Variants in NALF1 observed in about 807,000 individuals in gnomAD.
NALF1 encodes the protein family with sequence similarity 155 member A.
NALF1 carries 3 observed loss-of-function variants against 48.4 expected under a neutral mutation model. That is an observed-to-expected ratio of 0.06 (90% confidence interval 0.03 to 0.16). NALF1 has a LOEUF of 0.16. NALF1 is among the 10% of genes least tolerant of loss of function. The probability of loss-of-function intolerance (pLI) is 1.00; values close to 1 mark genes in which losing one functional copy is unlikely to be tolerated. For synonymous variants in NALF1, 262 were observed against 245.7 expected (o/e 1.07, Z -0.62); for missense variants, 526 against 571.5 (o/e 0.92, Z 0.81).
intron 2 of NALF1, among the ~76,000 whole-genome samples, chr13:107,184,227 C>T (rs1282857719): frequency 1.3e-5 from 2 of 151,452 alleles, no homozygotes; most frequent in Admixed American, 1.3e-4. Flanking sequence ...TCTTCTCAGA[C>T]AAATATATTT....
chr13:107,256,481 G>T (rs531718302), intron 1 of NALF1, among the ~76,000 whole-genome samples: 10 of 152,196 alleles, frequency 6.6e-5, no homozygotes, highest in African/African-American at 1.9e-4. Context: ...ATTAAAAAGT[G>T]CTTCATATAT....
Position 107,549,683 on chromosome 13 carries a change from C to T in NALF1, c.915+315999G>A, listed in dbSNP as rs551173617. Among the ~76,000 whole-genome samples the T allele has an allele frequency of 5.3e-5, 8 of 152,230 alleles. No individual in the cohort carries two copies. In the East Asian group the frequency reaches 1.5e-3, roughly 29 times the overall value. ...AAGTTCCAGATATAATGCCTGTTTA[C>T]CACTACATACTTAAATGTTTATTTA... On this transcript the variant is annotated intron_variant, in intron 1 of 2. Coordinates refer to ENST00000375915, the MANE Select transcript of NALF1 (RefSeq NM_001080396.3).
intron 1 of NALF1, among the ~76,000 whole-genome samples, chr13:107,517,710 T>C (rs546018552): frequency 5.3e-5 from 8 of 151,608 alleles, no homozygotes; most frequent in African/African-American, 1.9e-4. Flanking sequence ...ATCCCAGCAC[T>C]TTGGGAGTCT....
intron 1 of NALF1, among the ~76,000 whole-genome samples, chr13:107,854,453 C>T (rs1178483874): frequency 6.6e-6 from 1 of 152,216 alleles, no homozygotes; most frequent in Non-Finnish European, 1.5e-5. Context: ...CCGGAGATAC[C>T]CGATTTTAAA....
rs61429641 is a variant in NALF1 at position 107,586,635 on chromosome 13, A to ATTTTTTTTTT, written c.915+279037_915+279046dup. Among the ~76,000 whole-genome samples the ATTTTTTTTTT allele has an allele frequency of 2.6e-4, 24 of 93,108 alleles. 8 individuals carry two copies. The highest frequency in any genetic ancestry group is 2.8e-4 in the Non-Finnish European group (14 of 50,552). The allele number at this position is 93,108 out of a possible 152,430, so 61.1% of individuals were successfully genotyped here. A position where few individuals can be genotyped will look rare whatever the true frequency, so the allele number is the denominator to read the frequency against. On this transcript the variant is annotated intron_variant, in intron 1 of 2. Transcript: ENST00000375915. Reference sequence around the variant, plus strand: ...CTACATTTAAAGCTCCCCTATGGAGATTTTTTTTTTTTTTGCTAGGAATGA... The same window carrying ATTTTTTTTTT: ...CTACATTTAAAGCTCCCCTATGGAGATTTTTTTTTTTTTTTTTTTTTTTTGCTAGGAATGA...
intron 1 of NALF1, among the ~76,000 whole-genome samples, chr13:107,841,050 C>T (rs571337647): frequency 6.6e-6 from 1 of 152,042 alleles, no homozygotes; most frequent in Non-Finnish European, 1.5e-5. Context: ...TCTTGAGGGG[C>T]AGGGGTCATC....
At chr13:107,255,694 G>T (rs999627333) in intron 1 of NALF1, among the ~76,000 whole-genome samples, 1 of 152,098 alleles carries the variant, frequency 6.6e-6, no homozygotes, top group Non-Finnish European at 1.5e-5. Context: ...GCTCACAAAT[G>T]CTCATAACAG....
At chr13:107,229,164 A>G (rs1269041201) in intron 1 of NALF1, among the ~76,000 whole-genome samples, 2 of 152,140 alleles carry the variant, frequency 1.3e-5, no homozygotes, top group African/African-American at 4.8e-5. Context: ...CATTTTAGAC[A>G]CACACACTCA....
At chr13:107,598,817 C>T (rs2138422946) in intron 1 of NALF1, among the ~76,000 whole-genome samples, 1 of 152,162 alleles carries the variant, frequency 6.6e-6, no homozygotes, top group African/African-American at 2.4e-5. Flanking sequence ...TGGCCTTCTC[C>T]CTCCATTATC....
At chr13:107,549,533 T>C (rs892604244) in intron 1 of NALF1, among the ~76,000 whole-genome samples, 1 of 152,146 alleles carries the variant, frequency 6.6e-6, no homozygotes, top group African/African-American at 2.4e-5. Context: ...GCAGAAATAG[T>C]ACAAAGAAAT....
At chr13:107,190,467 C>T (rs781357970) in intron 2 of NALF1, among the ~76,000 whole-genome samples, 7 of 152,128 alleles carry the variant, frequency 4.6e-5, no homozygotes, top group Admixed American at 6.5e-5. Context: ...ATTTTCAATA[C>T]TTAGGGGAAA....
chr13:107,371,724 C>T (rs1883251726), intron 1 of NALF1, among the ~76,000 whole-genome samples: 1 of 151,970 alleles, frequency 6.6e-6, no homozygotes, highest in East Asian at 1.9e-4. Flanking sequence ...TTGTACAGAC[C>T]TTGAGAAGTC....
intron 1 of NALF1, among the ~76,000 whole-genome samples, chr13:107,551,433 T>G (rs1877290272): frequency 6.6e-6 from 1 of 152,130 alleles, no homozygotes; most frequent in African/African-American, 2.4e-5. Flanking sequence ...TCTTCACTGC[T>G]CCTTAATTTT....
intron 1 of NALF1, among the ~76,000 whole-genome samples, chr13:107,854,211 A>G (rs973276271): frequency 2.5e-4 from 38 of 152,218 alleles, no homozygotes; most frequent in Non-Finnish European, 8.8e-5. Flanking sequence ...AATATTCAAT[A>G]TATATATTTA....
chr13:107,437,232 C>T (rs1427659410), intron 1 of NALF1, among the ~76,000 whole-genome samples: 2 of 152,064 alleles, frequency 1.3e-5, no homozygotes, highest in African/African-American at 2.4e-5. Flanking sequence ...AAAACAAAAA[C>T]GAATACCACC....
Position 107,359,062 on chromosome 13 carries a change from T to C in NALF1, c.916-148307A>G, listed in dbSNP as rs1362800892. ...AGGGAAGCTTTCATTCCAGGCCAGCTGGTCCAGAAACTCCTCAAAACATGC... is the reference window on the plus strand; with the variant it reads ...AGGGAAGCTTTCATTCCAGGCCAGCCGGTCCAGAAACTCCTCAAAACATGC... On this transcript the variant is annotated intron_variant, in intron 1 of 2. Coordinates refer to ENST00000375915, the MANE Select transcript of NALF1 (RefSeq NM_001080396.3). Among the ~76,000 whole-genome samples, 3 of 152,280 alleles carry C rather than the reference T, an allele frequency of 2.0e-5. No individual in the cohort carries two copies. The East Asian group carries it at 5.8e-4, about 29-fold the overall frequency.
At chr13:107,249,721 C>T (rs1223233892) in intron 1 of NALF1, among the ~76,000 whole-genome samples, 4 of 152,132 alleles carry the variant, frequency 2.6e-5, no homozygotes, top group African/African-American at 9.7e-5. Flanking sequence ...ATCTCTCTTT[C>T]ATAAAACACA....
intron 1 of NALF1, among the ~76,000 whole-genome samples, chr13:107,855,704 G>A (rs1270990687): frequency 2.0e-5 from 3 of 152,196 alleles, no homozygotes; most frequent in African/African-American, 7.2e-5. Context: ...TAAGAGCCAG[G>A]TGTTCCTGGG....
At position 107,866,969 on chromosome 13, in the gene NALF1, G is replaced by T. The variant is rs1410299183; in HGVS notation, c.-373C>A. Among the ~76,000 whole-genome samples, 1 of 151,976 alleles carries T rather than the reference G, an allele frequency of 6.6e-6. No individual in the cohort carries two copies. The highest frequency in any genetic ancestry group is 2.4e-5 in the African/African-American group (1 of 41,398). On this transcript the variant is annotated 5_prime_UTR_variant, in exon 1 of 3. Coordinates refer to ENST00000375915, the MANE Select transcript of NALF1 (RefSeq NM_001080396.3). This position sits in a 1 kb window ranked among gnomAD's most constrained non-coding sequence, Gnocchi z 4.4. ...CCGGCGGCGAGGCTGGGTGCAGGGG[G>T]CGATGGTGGAGGTGACAGGGTGGCT... is the stretch of plus-strand genomic sequence containing the variant.
Sources: allele counts gnomAD v4.1 joint callset (sites outside exome capture counted in the v4.1 genomes callset), GRCh38; gene constraint gnomAD v4.1.1; non-coding constraint Gnocchi (gnomAD v3.1); transcripts MANE v1.5; gene names NCBI Gene and HGNC (gene_info 2026-07-23, HGNC 2026-07-21).